CCDC102B: variants seen among roughly 807,000 people sequenced by gnomAD.
The protein encoded by CCDC102B is coiled-coil domain containing 102B, also known as coiled-coil domain-containing protein 102B.
CCDC102B carries 75 observed loss-of-function variants against 57.4 expected under a neutral mutation model. That is an observed-to-expected ratio of 1.31 (90% confidence interval 1.08 to 1.58). CCDC102B has a LOEUF of 1.58. CCDC102B is among the 40% of genes most tolerant of loss of function. CCDC102B has a pLI of 0.00. For missense variants in CCDC102B, 636 were observed against 582.6 expected (o/e 1.09, Z -0.94); for synonymous variants, 206 against 201.9 (o/e 1.02, Z -0.17).
rs929053445 is a variant in CCDC102B, at chr18:69,011,224, A to C, written c.1434+120A>C. 1.2e-5 allele frequency: 10 copies of C among 832,704 alleles called. No individual in the cohort carries two copies. The African/African-American group carries it at 1.7e-4, about 14-fold the overall frequency. The allele number at this position is 832,704 out of a possible 1,614,324, so 51.6% of individuals were successfully genotyped here. On this transcript the variant is annotated intron_variant, in intron 7 of 7. Transcript: ENST00000360242. ...ATGGGATATAAATATTCATATCTTA[A>C]TGACTGAAATCAATTTAAAAAGAGT...
chr18:68,874,966 C>A lies in CCDC102B; in HGVS notation c.1053+181C>A, dbSNP rs753753513. ...GCTGTGGAATGACATTGGCCCATAA[C>A]TAGATCTGAACTATTTGAATATTAC... On this transcript the variant is annotated intron_variant, in intron 5 of 7. Transcript: ENST00000360242. 2.6e-3 allele frequency: 1,154 copies of A among 449,190 alleles called. 32 individuals carry two copies. The highest frequency in any genetic ancestry group is 4.8e-4 in the Non-Finnish European group (119 of 247,880). The allele number at this position is 449,190 out of a possible 1,614,324, so 27.8% of individuals were successfully genotyped here. A position where few individuals can be genotyped will look rare whatever the true frequency, so the allele number is the denominator to read the frequency against.
In CCDC102B at chr18:68,857,322, T is replaced by TAA. The variant is rs1166446894; in HGVS notation, c.936+10902_936+10903insAA. On this transcript the variant is annotated intron_variant, in intron 4 of 7. Coordinates refer to ENST00000360242, the MANE Select transcript of CCDC102B (RefSeq NM_024781.3). ...ATATATAATATATATTTATATATTA[T>TAA]ATATATAAAATATATATTTATATAT... Among the ~76,000 whole-genome samples the TAA allele has an allele frequency of 3.8e-4, 29 of 77,120 alleles. 3 individuals are homozygous for TAA. The highest frequency in any genetic ancestry group is 1.1e-3 in the African/African-American group (21 of 19,920). The allele number at this position is 77,120 out of a possible 152,430, so 50.6% of individuals were successfully genotyped here.
chr18:69,046,698 G>A (rs995873704), intron 7 of CCDC102B, among the ~76,000 whole-genome samples: 1 of 152,034 alleles, frequency 6.6e-6, no homozygotes, highest in Non-Finnish European at 1.5e-5. Context: ...TATTTCCTAG[G>A]TTATATTCCA....
intron 6 of CCDC102B, among the ~76,000 whole-genome samples, chr18:69,001,492 G>GAA (rs35354723): frequency 6.8e-6 from 1 of 146,386 alleles, no homozygotes; most frequent in Non-Finnish European, 1.5e-5. Flanking sequence ...GGACAAAAGG[G>GAA]AAAAAAAAAA....
At chr18:69,028,632 GAC>G (rs34947733) in intron 7 of CCDC102B, among the ~76,000 whole-genome samples, 11 of 149,436 alleles carry the variant, frequency 7.4e-5, no homozygotes, top group East Asian at 2.0e-4. Flanking sequence ...GGGCTTCTTT[GAC>G]ACACACACAC....
At chr18:68,818,797 G>A (rs1481598889) in intron 1 of CCDC102B, among the ~76,000 whole-genome samples, 2 of 152,084 alleles carry the variant, frequency 1.3e-5, no homozygotes, top group African/African-American at 4.8e-5. Context: ...GAGCAATTAG[G>A]AATAATGTTG....
At chr18:68,942,494 A>G (rs575818514) in intron 6 of CCDC102B, among the ~76,000 whole-genome samples, 23 of 152,100 alleles carry the variant, frequency 1.5e-4, no homozygotes, top group African/African-American at 5.3e-4. Context: ...GCAGGACAAT[A>G]GGGTAGTAAT....
At chr18:68,923,775 C>G (rs1055539548) in intron 6 of CCDC102B, among the ~76,000 whole-genome samples, 1 of 152,030 alleles carries the variant, frequency 6.6e-6, no homozygotes, top group African/African-American at 2.4e-5. Context: ...AACAACATCA[C>G]ACATGAGTAG....
intron 4 of CCDC102B, among the ~76,000 whole-genome samples, chr18:68,863,234 A>G (rs1439903683): frequency 6.6e-6 from 1 of 151,636 alleles, no homozygotes; most frequent in African/African-American, 2.4e-5. Flanking sequence ...TAATTTATTC[A>G]TTAAAAAATC....
chr18:68,790,553 C>A (rs12606134), intron 2 of CCDC102B, among the ~76,000 whole-genome samples: 1 of 152,120 alleles, frequency 6.6e-6, no homozygotes, highest in Non-Finnish European at 1.5e-5. Flanking sequence ...TCAAGCCCGT[C>A]GGAAAAGTGC....
chr18:68,879,305 A>G (rs1448279972), intron 5 of CCDC102B, among the ~76,000 whole-genome samples: 2 of 152,134 alleles, frequency 1.3e-5, no homozygotes, highest in Non-Finnish European at 2.9e-5. Context: ...GTAGACCCAA[A>G]GAGTGAGCAG....
At position 68,734,216 on chromosome 18, in the gene CCDC102B, C is replaced by G. The variant is rs541596755; in HGVS notation, c.-67+17622C>G. The stretch of plus-strand genomic sequence containing the variant: ...AGGAACAGAAGAGAATAGTTAGCTT[C>G]CCTCAGGGAAGCAGGTTCTAGGGCT... On this transcript the variant is annotated intron_variant, in intron 2 of 3. Transcript: ENST00000578970. Among the ~76,000 whole-genome samples the G allele has an allele frequency of 5.9e-5, 9 of 152,300 alleles. No individual in the cohort carries two copies. The South Asian group carries it at 1.9e-3, about 32-fold the overall frequency.
At chr18:68,948,380 AATG>A (rs2049599029) in intron 6 of CCDC102B, among the ~76,000 whole-genome samples, 1 of 152,126 alleles carries the variant, frequency 6.6e-6, no homozygotes, top group East Asian at 1.9e-4. Flanking sequence ...TTTATTGCTA[AATG>A]ATGTCTTTTT....
At chr18:68,881,418 G>T (rs1460888440) in intron 5 of CCDC102B, among the ~76,000 whole-genome samples, 1 of 152,174 alleles carries the variant, frequency 6.6e-6, no homozygotes, top group Non-Finnish European at 1.5e-5. Context: ...TAATGTGATT[G>T]TTAATTTTAT....
rs73467653 is a variant in CCDC102B at position 68,981,716 on chromosome 18, T to C, written c.1264-29218T>C. 6.6e-3 allele frequency among the ~76,000 whole-genome samples: 1,000 copies of C among 152,112 alleles called. 11 individuals are homozygous for C. The highest frequency in any genetic ancestry group is 0.022 in the African/African-American group (929 of 41,528). ...AAATTATATCATAATTTATTACTCCTGATAAAGAATGAGAACTTGAGAGTT... is the reference window on the plus strand; with the variant it reads ...AAATTATATCATAATTTATTACTCCCGATAAAGAATGAGAACTTGAGAGTT... On this transcript the variant is annotated intron_variant, in intron 6 of 7. Transcript: ENST00000360242.
intron 6 of CCDC102B, among the ~76,000 whole-genome samples, chr18:68,990,831 A>C (rs2145323029): frequency 6.6e-6 from 1 of 152,018 alleles, no homozygotes; most frequent in East Asian, 1.9e-4. Flanking sequence ...GTTATGAAAC[A>C]GGGAAAATTT....
chr18:68,797,507 A>G (rs1206469369), upstream of CCDC102B, among the ~76,000 whole-genome samples: 1 of 152,060 alleles, frequency 6.6e-6, no homozygotes, highest in Non-Finnish European at 1.5e-5. Flanking sequence ...CCCCAGGGAA[A>G]GGGGCCAGAG....
chr18:68,822,732 G>A (rs536680819), intron 1 of CCDC102B, among the ~76,000 whole-genome samples: 1 of 152,118 alleles, frequency 6.6e-6, no homozygotes, highest in African/African-American at 2.4e-5. Context: ...GCGGTATTTG[G>A]TTTTCTGTTC....
intron 6 of CCDC102B, among the ~76,000 whole-genome samples, chr18:68,980,344 A>C (rs1299707343): frequency 6.7e-6 from 1 of 150,322 alleles, no homozygotes; most frequent in East Asian, 1.9e-4. Flanking sequence ...TTTATACAAC[A>C]CATAACTTAC....
Sources: gnomAD v4.1 joint callset for allele counts (sites outside exome capture counted in the v4.1 genomes callset) on GRCh38, gnomAD v4.1.1 for gene constraint, MANE v1.5 for transcripts, NCBI Gene and HGNC (gene_info 2026-07-23, HGNC 2026-07-21) for gene names.